Variants in LRP1B observed in about 807,000 individuals in gnomAD.
LRP1B encodes the protein low-density lipoprotein receptor-related protein 1B.
Under a neutral mutation model 556.6 loss-of-function variants are expected in LRP1B, and 217 were observed. The ratio of observed to expected loss-of-function variants is 0.39; its 90% CI spans 0.35 to 0.44. LRP1B has a LOEUF of 0.44. Among genes scored for constraint, LRP1B ranks in the 20% least tolerant of loss-of-function variants. LRP1B has a pLI of 1.00. For synonymous variants in LRP1B, 2,047 were observed against 1,865.8 expected (o/e 1.10, Z -2.50); for missense variants, 5,053 against 5,620.8 (o/e 0.90, Z 3.23).
chr2:141,239,146 A>T (rs1193975722), intron 5 of LRP1B, among the ~76,000 whole-genome samples: 1 of 152,116 alleles, frequency 6.6e-6, no homozygotes, highest in Non-Finnish European at 1.5e-5. Flanking sequence ...AAGCAAAGTA[A>T]ACTGAGAAAA....
At chr2:141,270,458 G>T (rs1685047352) in intron 3 of LRP1B, among the ~76,000 whole-genome samples, 1 of 151,966 alleles carries the variant, frequency 6.6e-6, no homozygotes, top group Non-Finnish European at 1.5e-5. Flanking sequence ...TCAAACTATG[G>T]TCTCAAAGAG....
chr2:140,315,559 G>GCAC (rs1262710290), intron 82 of LRP1B, among the ~76,000 whole-genome samples: 1 of 152,016 alleles, frequency 6.6e-6, no homozygotes. Context: ...ACTATATTGT[G>GCAC]CACCACCACA....
intron 2 of LRP1B, among the ~76,000 whole-genome samples, chr2:141,646,495 C>A (rs771618057): frequency 6.6e-6 from 1 of 151,996 alleles, no homozygotes. Flanking sequence ...ACATGTAAAA[C>A]GATGAGTTAA....
chr2:141,212,762 T>C (rs1682621967), intron 6 of LRP1B, among the ~76,000 whole-genome samples: 1 of 152,128 alleles, frequency 6.6e-6, no homozygotes, highest in African/African-American at 2.4e-5. Context: ...GAAGGTCAAG[T>C]ACCTTATATA....
chr2:141,921,098 A>T (rs1019475565), intron 1 of LRP1B, among the ~76,000 whole-genome samples: 1 of 152,032 alleles, frequency 6.6e-6, no homozygotes, highest in Non-Finnish European at 1.5e-5. Flanking sequence ...TTTTGATAAC[A>T]AATTACTTTC....
At chr2:141,466,116 T>G (rs1682185696) in intron 3 of LRP1B, among the ~76,000 whole-genome samples, 1 of 148,938 alleles carries the variant, frequency 6.7e-6, no homozygotes, top group South Asian at 2.1e-4. Flanking sequence ...CTTGAACTCC[T>G]GACCTCATGA....
chr2:140,804,649 A>ATTTTTT (rs869167644), intron 32 of LRP1B, among the ~76,000 whole-genome samples: 2 of 57,934 alleles, frequency 3.5e-5, no homozygotes, highest in Non-Finnish European at 6.9e-5. Flanking sequence ...GTAAAAACTA[A>ATTTTTT]TTTTTTTTTT....
chr2:140,822,369 T>C (rs546104937), intron 31 of LRP1B, among the ~76,000 whole-genome samples: 13 of 152,352 alleles, frequency 8.5e-5, no homozygotes, highest in Admixed American at 6.5e-4. Flanking sequence ...ACTCAGTCTT[T>C]AGTGACACAT....
At chr2:140,255,146 T>TGG (rs1681620447) in intron 86 of LRP1B, among the ~76,000 whole-genome samples, 1 of 152,180 alleles carries the variant, frequency 6.6e-6, no homozygotes, top group Non-Finnish European at 1.5e-5. Flanking sequence ...CATAAAACTC[T>TGG]TACCAGATTT....
At chr2:140,698,032 T>C (rs1686497620) in intron 41 of LRP1B, among the ~76,000 whole-genome samples, 3 of 152,072 alleles carry the variant, frequency 2.0e-5, no homozygotes, top group South Asian at 2.1e-4. Context: ...GTGCATTGTA[T>C]GATGTGTAAA....
intron 2 of LRP1B, among the ~76,000 whole-genome samples, chr2:141,667,537 C>A (rs748864243): frequency 6.6e-6 from 1 of 152,152 alleles, no homozygotes; most frequent in Non-Finnish European, 1.5e-5. Context: ...GAAAGCACTC[C>A]ACTTTTTGAA....
chr2:141,573,490 C>G (rs1686610429), intron 2 of LRP1B, among the ~76,000 whole-genome samples: 2 of 151,812 alleles, frequency 1.3e-5, no homozygotes, highest in South Asian at 4.2e-4. Flanking sequence ...CATCAGAAAG[C>G]TAGAAAAATC....
At chr2:140,990,606 C>T (rs918130166) in intron 16 of LRP1B, among the ~76,000 whole-genome samples, 46 of 151,656 alleles carry the variant, frequency 3.0e-4, no homozygotes, top group African/African-American at 1.0e-3. Context: ...TACAAACAAA[C>T]ATGCAACCAC....
At chr2:140,518,520 A>C (rs10176293) in intron 49 of LRP1B, among the ~76,000 whole-genome samples, 116,620 of 152,078 alleles carry the variant, frequency 0.77, 45,400 homozygotes, top group Middle Eastern at 0.88. Context: ...TGCTGACCTC[A>C]AGATAATTTC....
chr2:142,023,912 T>G (rs1325490526), intron 1 of LRP1B, among the ~76,000 whole-genome samples: 1 of 152,216 alleles, frequency 6.6e-6, no homozygotes, highest in Admixed American at 6.5e-5. Flanking sequence ...GCTTTTAATT[T>G]ATATAATACT....
intron 31 of LRP1B, among the ~76,000 whole-genome samples, chr2:140,829,649 A>G (rs188381406): frequency 6.6e-5 from 10 of 152,232 alleles, no homozygotes; most frequent in African/African-American, 2.4e-4. Context: ...AGTTTACAGC[A>G]ATGAACACCT....
chr2:141,945,362 C>T (rs1225887567), intron 1 of LRP1B, among the ~76,000 whole-genome samples: 1 of 152,054 alleles, frequency 6.6e-6, no homozygotes, highest in Non-Finnish European at 1.5e-5. Context: ...ATATTGTACA[C>T]ATAGAGAATG....
intron 43 of LRP1B, among the ~76,000 whole-genome samples, chr2:140,581,965 A>G (rs1193073111): frequency 6.6e-6 from 1 of 152,156 alleles, no homozygotes; most frequent in African/African-American, 2.4e-5. Context: ...AATATCGGTA[A>G]TATGAGTCCC....
intron 1 of LRP1B, among the ~76,000 whole-genome samples, chr2:141,898,688 G>A (rs763876968): frequency 6.6e-6 from 1 of 152,090 alleles, no homozygotes; most frequent in East Asian, 1.9e-4. Context: ...TGAGAAAAAC[G>A]GCAGGCAACA....
Sources: allele counts gnomAD v4.1 joint callset (sites outside exome capture counted in the v4.1 genomes callset), GRCh38; gene constraint gnomAD v4.1.1; transcripts MANE v1.5; gene names NCBI Gene and HGNC (gene_info 2026-07-23, HGNC 2026-07-21).